Variants in MARK3 observed in about 807,000 individuals in gnomAD.
The protein encoded by MARK3 is microtubule affinity regulating kinase 3.
In MARK3, 46 loss-of-function variants were observed where a neutral mutation model predicts 90.1. The observed-to-expected ratio is 0.51, with a 90% CI of 0.40 to 0.65. The LOEUF (loss-of-function observed/expected upper bound fraction) is 0.65. MARK3 is among the 30% of genes least tolerant of loss of function. MARK3 has a pLI of 0.00. For synonymous variants in MARK3, 321 were observed against 332.6 expected (o/e 0.97, Z 0.38); for missense variants, 818 against 947.2 (o/e 0.86, Z 1.79).
At chr14:103,411,729 T>G (rs1197397454) in intron 2 of MARK3, among the ~76,000 whole-genome samples, 3 of 152,060 alleles carry the variant, frequency 2.0e-5, no homozygotes, top group Non-Finnish European at 4.4e-5. Flanking sequence ...TTTAAGCAAT[T>G]CGCCTGCCTC....
chr14:103,456,232 T>C (rs1198633199), intron 5 of MARK3, among the ~76,000 whole-genome samples: 1 of 152,220 alleles, frequency 6.6e-6, no homozygotes, highest in Non-Finnish European at 1.5e-5. Context: ...GTTTGATTAT[T>C]GTACTGATCT....
intron 7 of MARK3, among the ~76,000 whole-genome samples, chr14:103,463,636 A>G (rs536040499): frequency 6.6e-6 from 1 of 152,232 alleles, no homozygotes; most frequent in African/African-American, 2.4e-5. Context: ...CTGTTACACT[A>G]TCCAAGGCCA....
At chr14:103,396,172 C>CA (rs5811104) in intron 1 of MARK3, among the ~76,000 whole-genome samples, 149,636 of 152,224 alleles carry the variant, frequency 0.98, 73,600 homozygotes, top group East Asian at 1. Flanking sequence ...AGAGGAGACC[C>CA]GGGGGTCTGT....
At chr14:103,464,157 C>T (rs918361627) in intron 7 of MARK3, among the ~76,000 whole-genome samples, 2 of 152,196 alleles carry the variant, frequency 1.3e-5, no homozygotes, top group Non-Finnish European at 2.9e-5. Context: ...TCCTTCTTCC[C>T]TTCTAAACTG....
chr14:103,400,271 CT>C (rs1194947660), intron 1 of MARK3, among the ~76,000 whole-genome samples: 2 of 152,130 alleles, frequency 1.3e-5, no homozygotes, highest in African/African-American at 4.8e-5. Context: ...CCCCTACCCC[CT>C]ACTACATTGC....
chr14:103,503,473 A>C lies in MARK3; in HGVS notation c.*246A>C. On this transcript the variant is annotated 3_prime_UTR_variant, in exon 18 of 18. Coordinates refer to ENST00000429436, the MANE Select transcript of MARK3 (RefSeq NM_001128918.3). ...ACCCTGAGAGTCGGTGTGTGGCCCC[A>C]TCTCCATGTGCCTCCCGTCTGGGTG... The C allele has an allele frequency of 2.0e-6, 1 of 502,578 alleles. No homozygotes were observed. The highest frequency in any genetic ancestry group is 3.6e-6 in the Non-Finnish European group (1 of 281,026). The allele number at this position is 502,578 out of a possible 1,614,324, so 31.1% of individuals were successfully genotyped here.
intron 14 of MARK3, among the ~76,000 whole-genome samples, chr14:103,481,251 G>A: frequency 6.6e-6 from 1 of 152,202 alleles, no homozygotes; most frequent in East Asian, 1.9e-4. Context: ...ATTCTGTTCA[G>A]AACAAATTTC....
chr14:103,386,003 C>T lies in MARK3; in HGVS notation c.-27C>T, dbSNP rs1293710185. 3 of 1,600,244 alleles carry T rather than the reference C, an allele frequency of 1.9e-6. No homozygotes were observed. The highest frequency in any genetic ancestry group is 2.2e-5 in the East Asian group (1 of 44,830). Reference sequence around the variant, plus strand: ...CTGTGCTGTTTTGTTTTGACCCTCGCATTGTGCAGAATTAAAGTGCAGTAA... The same window carrying T: ...CTGTGCTGTTTTGTTTTGACCCTCGTATTGTGCAGAATTAAAGTGCAGTAA... On this transcript the variant is annotated 5_prime_UTR_variant, in exon 1 of 18. Transcript: ENST00000429436.
At chr14:103,441,804 C>T (rs556175084) in intron 3 of MARK3, among the ~76,000 whole-genome samples, 1 of 152,204 alleles carries the variant, frequency 6.6e-6, no homozygotes, top group Admixed American at 6.5e-5. Flanking sequence ...CGTGTCTAAA[C>T]ACACACTTTG....
chr14:103,412,477 A>C, intron 2 of MARK3: 1 of 516,756 alleles, frequency 1.9e-6, no homozygotes, highest in South Asian at 2.0e-5. Flanking sequence ...TCTTGACCAG[A>C]TTCTTATTCT....
intron 1 of MARK3, among the ~76,000 whole-genome samples, chr14:103,387,074 C>G (rs1009079327): frequency 6.6e-6 from 1 of 152,110 alleles, no homozygotes; most frequent in African/African-American, 2.4e-5. Context: ...ACTTCACTGG[C>G]CTTTCATTAA....
At chr14:103,413,465 C>A (rs1259401889) in intron 2 of MARK3, among the ~76,000 whole-genome samples, 1 of 141,282 alleles carries the variant, frequency 7.1e-6, no homozygotes, top group Non-Finnish European at 1.5e-5. Flanking sequence ...CTGGCTCTGT[C>A]GCCCAGGCTG....
intron 6 of MARK3, among the ~76,000 whole-genome samples, chr14:103,458,319 C>T (rs572765204): frequency 6.6e-4 from 100 of 152,034 alleles, no homozygotes; most frequent in African/African-American, 2.4e-3. Context: ...ATTAGCCGGG[C>T]ATGATGGCAG....
At chr14:103,396,138 C>A (rs1162123709) in intron 1 of MARK3, among the ~76,000 whole-genome samples, 3 of 141,252 alleles carry the variant, frequency 2.1e-5, no homozygotes, top group Non-Finnish European at 3.1e-5. Flanking sequence ...TTCTAAAGAA[C>A]CTCCAGTTTT....
chr14:103,388,941 T>C (rs997464216), intron 1 of MARK3, among the ~76,000 whole-genome samples: 4 of 152,226 alleles, frequency 2.6e-5, no homozygotes, highest in Admixed American at 2.6e-4. Context: ...TTTTTGGCTA[T>C]TGTGACTAGA....
intron 1 of MARK3, among the ~76,000 whole-genome samples, chr14:103,393,900 T>C (rs992246881): frequency 6.6e-6 from 1 of 152,028 alleles, no homozygotes; most frequent in Non-Finnish European, 1.5e-5. Flanking sequence ...GCCCAGCTAA[T>C]TTTTTGTATT....
intron 2 of MARK3, among the ~76,000 whole-genome samples, chr14:103,424,459 G>A (rs1372747466): frequency 6.6e-6 from 1 of 151,718 alleles, no homozygotes; most frequent in Admixed American, 6.6e-5. Flanking sequence ...TGCGGAAGTC[G>A]AGGCTGCAAT....
rs778172762 is a variant in MARK3 at position 103,503,261 on chromosome 14, A to C, written c.*34A>C. ...TTATGATGTAAATTAAGTAGCAATT[A>C]AAGTGTTTTCCTGAACACTGATGGA... On this transcript the variant is annotated 3_prime_UTR_variant, in exon 18 of 18. Transcript: ENST00000429436. The C allele has an allele frequency of 6.5e-7, 1 of 1,536,802 alleles. No individual in the cohort carries two copies.
chr14:103,498,227 T>C (rs943612976), intron 15 of MARK3, among the ~76,000 whole-genome samples: 5 of 151,568 alleles, frequency 3.3e-5, no homozygotes, highest in African/African-American at 7.3e-5. Context: ...AAAAAAAGTG[T>C]GTCCATCTGA....
Sources: gnomAD v4.1 joint callset for allele counts (sites outside exome capture counted in the v4.1 genomes callset) on GRCh38, gnomAD v4.1.1 for gene constraint, MANE v1.5 for transcripts, NCBI Gene and HGNC (gene_info 2026-07-23, HGNC 2026-07-21) for gene names.